Variants in METTL24 observed in about 807,000 individuals in gnomAD.
METTL24 encodes the protein methyltransferase like 24, also known as probable methyltransferase-like protein 24.
Under a neutral mutation model 32.7 loss-of-function variants are expected in METTL24, and 29 were observed. The observed-to-expected ratio is 0.89, with a 90% CI of 0.66 to 1.21. METTL24 has a LOEUF of 1.21. Ranked by LOEUF, METTL24 falls within the 50% of genes most tolerant of loss-of-function variation. The probability of loss-of-function intolerance (pLI) is 0.00; values close to 1 mark genes in which losing one functional copy is unlikely to be tolerated. For missense variants in METTL24, 439 were observed against 468.1 expected (o/e 0.94, Z 0.57); for synonymous variants, 163 against 179.5 (o/e 0.91, Z 0.73).
intron 3 of METTL24, among the ~76,000 whole-genome samples, chr6:110,310,168 T>A (rs1167817728): frequency 6.6e-6 from 1 of 152,202 alleles, no homozygotes; most frequent in African/African-American, 2.4e-5. Context: ...CGGTATAAAA[T>A]ATGGGCTCTT....
intron 1 of METTL24, among the ~76,000 whole-genome samples, chr6:110,332,970 A>T (rs778185327): frequency 3.3e-5 from 5 of 151,170 alleles, no homozygotes; most frequent in Non-Finnish European, 7.4e-5. Context: ...AACACTAACC[A>T]TATTTGTAAG....
At chr6:110,277,343 A>C (rs1771065277) in intron 4 of METTL24, among the ~76,000 whole-genome samples, 1 of 152,208 alleles carries the variant, frequency 6.6e-6, no homozygotes, top group Non-Finnish European at 1.5e-5. Context: ...AAAGAATTGG[A>C]AAGAGCTCAG....
At chr6:110,300,899 G>C (rs1161312189) in intron 3 of METTL24, among the ~76,000 whole-genome samples, 2 of 152,126 alleles carry the variant, frequency 1.3e-5, no homozygotes, top group Non-Finnish European at 2.9e-5. Context: ...ATCGTATTAG[G>C]TATTATAAGT....
chr6:110,312,028 G>T (rs755487063), intron 3 of METTL24, among the ~76,000 whole-genome samples: 1 of 151,922 alleles, frequency 6.6e-6, no homozygotes, highest in Non-Finnish European at 1.5e-5. Flanking sequence ...TGTTTCTTTT[G>T]CTGTGCAGAA....
rs779472619 is a variant in METTL24 at position 110,299,017 on chromosome 6, C to A, written c.691G>T (p.Asp231Tyr). Residue 231 changes from aspartate (D) to tyrosine (Y), a missense_variant, in exon 4 of 5, where the codon GAC becomes TAC. By Grantham distance (160) the Asp-to-Tyr change is radical (BLOSUM62 -3). Transcript: ENST00000338882. ...QHLWYHRLSI[D>Y]WRDPHPAVAA... ...ACAGCTGGATGGGGATCCCGCCAGT[C>A]AATGGACAAGCGGTGATACCAAAGG... 6.2e-7 allele frequency: 1 copy of A among 1,614,176 alleles called. No homozygotes were observed. The highest frequency in any genetic ancestry group is 8.5e-7 in the Non-Finnish European group (1 of 1,180,040).
At chr6:110,282,527 A>T (rs1227119493) in intron 4 of METTL24, among the ~76,000 whole-genome samples, 1 of 152,114 alleles carries the variant, frequency 6.6e-6, no homozygotes, top group African/African-American at 2.4e-5. Flanking sequence ...CAAAGAACTT[A>T]ATTTACCTTG....
At chr6:110,297,634 T>C (rs1326603305) in intron 4 of METTL24, among the ~76,000 whole-genome samples, 1 of 152,068 alleles carries the variant, frequency 6.6e-6, no homozygotes, top group African/African-American at 2.4e-5. Context: ...TCTACAAAGG[T>C]AACGAGTGGC....
intron 4 of METTL24, among the ~76,000 whole-genome samples, chr6:110,258,730 T>C (rs1034166052): frequency 2.0e-5 from 3 of 151,844 alleles, no homozygotes; most frequent in African/African-American, 4.8e-5. Context: ...AGTAATTAAT[T>C]AGTGATAGGG....
rs146241056 is a variant in METTL24 at position 110,316,836 on chromosome 6, A to C, written c.418-1355T>G. On this transcript the variant is annotated intron_variant, in intron 2 of 4. Coordinates refer to ENST00000338882, the MANE Select transcript of METTL24 (RefSeq NM_001123364.3). ...TGGAAGGTTGAGGCTGCAGTGAGCC[A>C]TGATTGTGCCTCTACACTCCAGCCT... is the stretch of plus-strand genomic sequence containing the variant. Among the ~76,000 whole-genome samples, 229 of 152,294 alleles carry C rather than the reference A, an allele frequency of 1.5e-3. 2 individuals are homozygous for C. The highest frequency in any genetic ancestry group is 5.2e-3 in the African/African-American group (216 of 41,562).
chr6:110,266,130 C>T (rs1770853922), intron 4 of METTL24, among the ~76,000 whole-genome samples: 1 of 152,020 alleles, frequency 6.6e-6, no homozygotes, highest in Non-Finnish European at 1.5e-5. Context: ...GTCTTGAACT[C>T]CTGGCATCAA....
At chr6:110,323,695 C>T (rs1352778095) in intron 1 of METTL24, among the ~76,000 whole-genome samples, 1 of 152,044 alleles carries the variant, frequency 6.6e-6, no homozygotes, top group African/African-American at 2.4e-5. Context: ...CAAGAGACCT[C>T]CAGGAGGTTT....
At chr6:110,330,208 T>C (rs555758463) in intron 1 of METTL24, among the ~76,000 whole-genome samples, 1 of 152,292 alleles carries the variant, frequency 6.6e-6, no homozygotes, top group Admixed American at 6.5e-5. Flanking sequence ...CCCACTAAGA[T>C]GGTAGAAGCC....
At chr6:110,341,516 T>A (rs942117388) in intron 1 of METTL24, among the ~76,000 whole-genome samples, 5 of 152,146 alleles carry the variant, frequency 3.3e-5, no homozygotes, top group Admixed American at 6.5e-5. Context: ...CCAGTTCAAA[T>A]TTTTTTTAAG....
intron 4 of METTL24, among the ~76,000 whole-genome samples, chr6:110,260,045 A>C (rs1562218096): frequency 6.6e-6 from 1 of 152,238 alleles, no homozygotes; most frequent in Non-Finnish European, 1.5e-5. Context: ...GAAAATTCTA[A>C]AAGTCAGAAT....
At chr6:110,331,264 C>A (rs1330500100) in intron 1 of METTL24, among the ~76,000 whole-genome samples, 1 of 151,910 alleles carries the variant, frequency 6.6e-6, no homozygotes, top group African/African-American at 2.4e-5. Context: ...GGGGAAAGAG[C>A]CTTGGGGACC....
chr6:110,349,821 A>G (rs879510586), intron 1 of METTL24, among the ~76,000 whole-genome samples: 4 of 152,238 alleles, frequency 2.6e-5, no homozygotes, highest in Non-Finnish European at 5.9e-5. Flanking sequence ...TTAGTTGTAA[A>G]CAATAGAAAC....
intron 2 of METTL24, 77 bp from the exon 3 acceptor site, chr6:110,315,558 C>A (rs1771804906): frequency 1.3e-6 from 2 of 1,500,354 alleles, no homozygotes. Flanking sequence ...ATTGCTTCCC[C>A]ATCCTTGAAA....
intron 4 of METTL24, among the ~76,000 whole-genome samples, chr6:110,272,463 C>A (rs138508386): frequency 0.022 from 3,376 of 152,226 alleles, 150 homozygotes; most frequent in African/African-American, 0.076. Flanking sequence ...ATAATAACTT[C>A]TTTTCCTCTG....
chr6:110,335,566 G>GTTTTTT (rs527344096), intron 1 of METTL24, among the ~76,000 whole-genome samples: 1 of 66,112 alleles, frequency 1.5e-5, no homozygotes, highest in Non-Finnish European at 3.1e-5. Flanking sequence ...GGGAATCATT[G>GTTTTTT]TTTTTTTTTT....
Sources: gnomAD v4.1 joint callset for allele counts (sites outside exome capture counted in the v4.1 genomes callset) on GRCh38, gnomAD v4.1.1 for gene constraint, MANE v1.5 for transcripts, NCBI Gene and HGNC (gene_info 2026-07-23, HGNC 2026-07-21) for gene names.